FSTL4: variants seen among roughly 807,000 people sequenced by gnomAD.
FSTL4 encodes follistatin-related protein 4.
FSTL4 carries 28 observed loss-of-function variants against 78.2 expected under a neutral mutation model. The ratio of observed to expected loss-of-function variants is 0.36; its 90% CI spans 0.27 to 0.49. FSTL4 has a LOEUF of 0.49. FSTL4 is among the 20% of genes least tolerant of loss of function. FSTL4 has a pLI of 0.98. For missense variants in FSTL4, 922 were observed against 1,084.9 expected (o/e 0.85, Z 2.11); for synonymous variants, 422 against 440.5 (o/e 0.96, Z 0.53).
chr5:133,772,034 T>C, the FSTL4 span, among the ~76,000 whole-genome samples: 1 of 152,170 alleles, frequency 6.6e-6, no homozygotes, highest in South Asian at 2.1e-4. Context: ...TACAATAAAT[T>C]AATGAAGACT....
In FSTL4 at chr5:133,570,985, AAC is replaced by A. The variant is rs1760142353; in HGVS notation, c.127-3768_127-3767del. 1.3e-5 allele frequency among the ~76,000 whole-genome samples: 2 copies of A among 152,194 alleles called. 1 individual carries two copies. Among genetic ancestry groups the A allele is most frequent in the African/African-American group, 4.8e-5 (2 of 41,448 alleles). Reference sequence around the variant, plus strand: ...GAGGGTCAGAAACCCTGGAAAAGGAAACCAGAAAGAAGTGAGCTCAACATTTT... The same window carrying A: ...GAGGGTCAGAAACCCTGGAAAAGGAACAGAAAGAAGTGAGCTCAACATTTT... On this transcript the variant is annotated intron_variant, in intron 2 of 15. Transcript: ENST00000265342.
intron 6 of FSTL4, among the ~76,000 whole-genome samples, chr5:133,304,533 A>G (rs557536030): frequency 6.6e-6 from 1 of 152,296 alleles, no homozygotes; most frequent in South Asian, 2.1e-4. Flanking sequence ...TATATAATAG[A>G]TTTTCAATAA....
chr5:133,325,527 T>A lies in FSTL4; in HGVS notation c.410-8875A>T, dbSNP rs77662772. 3.1e-3 allele frequency among the ~76,000 whole-genome samples: 471 copies of A among 152,138 alleles called. 2 individuals are homozygous for A. Among genetic ancestry groups the A allele is most frequent in the African/African-American group, 0.011 (454 of 41,466 alleles). The stretch of plus-strand genomic sequence containing the variant: ...CATCATGAAAGAGCTCAGCTGCCAC[T>A]GCTGGAAGCAATCCCTTTGGGGAAG... On this transcript the variant is annotated intron_variant, in intron 4 of 15. Coordinates refer to ENST00000265342, the MANE Select transcript of FSTL4 (RefSeq NM_015082.2).
chr5:133,336,087 T>C (rs751821680), intron 4 of FSTL4, among the ~76,000 whole-genome samples: 38 of 152,346 alleles, frequency 2.5e-4, no homozygotes, highest in Admixed American at 1.4e-3. Context: ...AGATCCCAGA[T>C]TGAACATAGA....
At chr5:133,782,356 T>C in the FSTL4 span, among the ~76,000 whole-genome samples, 2 of 152,266 alleles carry the variant, frequency 1.3e-5, no homozygotes, top group African/African-American at 4.8e-5. Context: ...ACCCGCTTCC[T>C]GCAAATAATC....
chr5:133,801,017 G>A, the FSTL4 span, among the ~76,000 whole-genome samples: 11 of 152,086 alleles, frequency 7.2e-5, no homozygotes, highest in African/African-American at 1.9e-4. Context: ...GGTCCTCGAA[G>A]TACACATCTG....
the FSTL4 span, among the ~76,000 whole-genome samples, chr5:133,692,194 A>G: frequency 6.6e-6 from 1 of 152,144 alleles, no homozygotes; most frequent in Non-Finnish European, 1.5e-5. Context: ...ATTGGCAGGA[A>G]GTGTTATGGG....
intron 3 of FSTL4, among the ~76,000 whole-genome samples, chr5:133,550,011 C>A (rs929754877): frequency 6.6e-6 from 1 of 152,178 alleles, no homozygotes; most frequent in Non-Finnish European, 1.5e-5. Context: ...CTAGGCTTGA[C>A]TCCTGTCCCC....
chr5:133,728,753 T>G, the FSTL4 span, among the ~76,000 whole-genome samples: 3 of 149,964 alleles, frequency 2.0e-5, no homozygotes, highest in Admixed American at 2.0e-4. Flanking sequence ...ATAAAAGAGG[T>G]AGGGAGAGTA....
intron 3 of FSTL4, among the ~76,000 whole-genome samples, chr5:133,475,034 C>T (rs1245198492): frequency 6.6e-6 from 1 of 152,220 alleles, no homozygotes; most frequent in Non-Finnish European, 1.5e-5. Context: ...TGCCTCAGCT[C>T]ATGTGTCACA....
intron 13 of FSTL4, among the ~76,000 whole-genome samples, chr5:133,213,508 G>C (rs541396364): frequency 6.6e-6 from 1 of 152,176 alleles, no homozygotes; most frequent in Admixed American, 6.5e-5. Flanking sequence ...AGGGGGAGGA[G>C]GGTTGAAGGA....
the FSTL4 span, among the ~76,000 whole-genome samples, chr5:133,692,579 G>T: frequency 6.6e-6 from 1 of 152,226 alleles, no homozygotes; most frequent in African/African-American, 2.4e-5. Context: ...CCCTTGAATA[G>T]AGTGTTGGTG....
chr5:133,229,881 C>T (rs1751439039), intron 8 of FSTL4, among the ~76,000 whole-genome samples: 1 of 152,172 alleles, frequency 6.6e-6, no homozygotes, highest in African/African-American at 2.4e-5. Context: ...AGCTTTCTGT[C>T]TGGGGGAAGT....
chr5:133,578,229 G>C (rs1232075769), intron 2 of FSTL4, among the ~76,000 whole-genome samples: 2 of 152,350 alleles, frequency 1.3e-5, no homozygotes, highest in Non-Finnish European at 2.9e-5. Flanking sequence ...CCCATCAATA[G>C]CTTCTTGTGG....
At chr5:133,271,098 C>G (rs1421323860) in intron 6 of FSTL4, among the ~76,000 whole-genome samples, 1 of 152,182 alleles carries the variant, frequency 6.6e-6, no homozygotes, top group South Asian at 2.1e-4. Context: ...TCTGCTTGCC[C>G]GTCTTGAAGG....
chr5:133,230,507 A>G (rs1292205295), intron 8 of FSTL4, among the ~76,000 whole-genome samples: 1 of 152,218 alleles, frequency 6.6e-6, no homozygotes, highest in Non-Finnish European at 1.5e-5. Flanking sequence ...CTGGGTCTCC[A>G]TTAGCAGGGG....
At chr5:133,702,798 C>T in the FSTL4 span, among the ~76,000 whole-genome samples, 1 of 152,136 alleles carries the variant, frequency 6.6e-6, no homozygotes, top group African/African-American at 2.4e-5. Flanking sequence ...GAGCAGATTC[C>T]AGGGCAGGGC....
intron 2 of FSTL4, among the ~76,000 whole-genome samples, chr5:133,595,217 C>A (rs1354310261): frequency 6.6e-6 from 1 of 152,184 alleles, no homozygotes; most frequent in Non-Finnish European, 1.5e-5. Context: ...CCTGTTCCTA[C>A]ACACATCCCA....
intron 4 of FSTL4, among the ~76,000 whole-genome samples, chr5:133,381,414 G>C (rs1273327191): frequency 6.6e-6 from 1 of 152,182 alleles, no homozygotes. Context: ...CCCGCAGCAT[G>C]GTTCCATTTA....
Sources: gnomAD v4.1 joint callset for allele counts (sites outside exome capture counted in the v4.1 genomes callset) on GRCh38, gnomAD v4.1.1 for gene constraint, MANE v1.5 for transcripts, NCBI Gene and HGNC (gene_info 2026-07-23, HGNC 2026-07-21) for gene names.